Variants in FGF13 observed in about 807,000 individuals in gnomAD.
FGF13 encodes the protein fibroblast growth factor homologous factor 2.
A neutral mutation model predicts 19.5 loss-of-function variants in FGF13; 2 were observed. The ratio of observed to expected loss-of-function variants is 0.10; its 90% CI spans 0.04 to 0.32. The LOEUF (loss-of-function observed/expected upper bound fraction) is 0.32. FGF13 is among the 10% of genes least tolerant of loss of function. FGF13 has a pLI of 1.00. For missense variants in FGF13, 113 were observed against 192.7 expected, an observed-to-expected ratio of 0.59 and a Z score of 2.45; for synonymous variants, 72 against 76.9, an observed-to-expected ratio of 0.94 and a Z score of 0.33.
intron 3 of FGF13, among the ~76,000 whole-genome samples, chrX:138,800,851 T>G (rs766943761): frequency 8.9e-6 from 1 of 112,204 alleles, no homozygotes; most frequent in East Asian, 2.8e-4. Context: ...AACTCTGATA[T>G]CCTTTCTTCC....
chrX:139,019,071 T>C (rs778431379), intron 1 of FGF13, among the ~76,000 whole-genome samples: 4 of 111,508 alleles, frequency 3.6e-5, no homozygotes, highest in South Asian at 3.7e-4. Flanking sequence ...AATGAAGTCA[T>C]AGAATGTTGT....
chrX:138,763,863 G>C (rs1028652811), intron 3 of FGF13, among the ~76,000 whole-genome samples: 6 of 111,227 alleles, frequency 5.4e-5, no homozygotes, highest in African/African-American at 2.0e-4. Flanking sequence ...ACAGAGCCAG[G>C]GAAATGGCTG....
chrX:138,852,457 G>A (rs1347575237), intron 3 of FGF13, among the ~76,000 whole-genome samples: 1 of 111,896 alleles, frequency 8.9e-6, no homozygotes, highest in African/African-American at 3.3e-5. Flanking sequence ...AGTTGGGAAA[G>A]GATTCCCTAC....
At position 139,063,942 on chromosome X, in the gene FGF13, T is replaced by TA. The variant is rs760605802; in HGVS notation, c.-113+139473dup. ...ATCAGTTTATACGAGTACAGTATGT[T>TA]AAAATTCCCCAGTATGACTGTGTAC... is the stretch of plus-strand genomic sequence containing the variant. On this transcript the variant is annotated intron_variant, in intron 1 of 2. Coordinates refer to the FGF13 transcript ENST00000421460. Among the ~76,000 whole-genome samples, 523 of 111,611 alleles carry TA rather than the reference T, an allele frequency of 4.7e-3. 2 individuals carry two copies. Among genetic ancestry groups the TA allele is most frequent in the African/African-American group, 0.016 (496 of 30,718 alleles).
intron 1 of FGF13, among the ~76,000 whole-genome samples, chrX:138,888,292 A>G (rs2091460749): frequency 8.9e-6 from 1 of 111,979 alleles, no homozygotes; most frequent in Non-Finnish European, 1.9e-5. Flanking sequence ...ATATTCTCAG[A>G]TACTGAAATT....
chrX:138,872,751 G>C (rs1396078523), intron 1 of FGF13, among the ~76,000 whole-genome samples: 1 of 112,081 alleles, frequency 8.9e-6, no homozygotes, highest in East Asian at 2.8e-4. Flanking sequence ...AGACTGACTG[G>C]TGAGGTTTCA....
chrX:138,746,641 C>T (rs2090359025), intron 3 of FGF13, among the ~76,000 whole-genome samples: 1 of 111,990 alleles, frequency 8.9e-6, no homozygotes, highest in African/African-American at 3.2e-5. Flanking sequence ...AGACTGGAGT[C>T]CTGTGCTCTT....
At chrX:138,994,938 C>A (rs1474271842) in intron 1 of FGF13, among the ~76,000 whole-genome samples, 2 of 107,111 alleles carry the variant, frequency 1.9e-5, no homozygotes, top group African/African-American at 6.9e-5. Context: ...GGCTCCACTG[C>A]TTGTCCCACC....
At chrX:138,949,127 A>C in intron 1 of FGF13, among the ~76,000 whole-genome samples, 1 of 112,062 alleles carries the variant, frequency 8.9e-6, no homozygotes, top group Middle Eastern at 4.6e-3. Flanking sequence ...AAGAGAAATT[A>C]CATCTAGTTG....
At chrX:138,879,610 C>G (rs1363754885) in intron 1 of FGF13, among the ~76,000 whole-genome samples, 1 of 111,415 alleles carries the variant, frequency 9.0e-6, no homozygotes, top group Non-Finnish European at 1.9e-5. Flanking sequence ...CTGCACCCAT[C>G]AACCCGTCAT....
At chrX:139,116,132 C>A (rs1026870875) in intron 1 of FGF13, among the ~76,000 whole-genome samples, 1 of 112,197 alleles carries the variant, frequency 8.9e-6, no homozygotes, top group Non-Finnish European at 1.9e-5. Context: ...TCAAGCATGT[C>A]ATACAAAACC....
chrX:139,021,918 G>A (rs939492496), intron 1 of FGF13, among the ~76,000 whole-genome samples: 3 of 111,868 alleles, frequency 2.7e-5, no homozygotes, highest in African/African-American at 9.7e-5. Context: ...CTTCACATTC[G>A]ATCGGACTAG....
At chrX:138,917,976 C>G (rs1261316538) in intron 1 of FGF13, among the ~76,000 whole-genome samples, 1 of 111,271 alleles carries the variant, frequency 9.0e-6, no homozygotes, top group Non-Finnish European at 1.9e-5. Flanking sequence ...AAAGGAATGT[C>G]CATTATTACT....
intron 3 of FGF13, among the ~76,000 whole-genome samples, chrX:138,665,231 G>C (rs1331332047): frequency 1.8e-5 from 2 of 111,327 alleles, no homozygotes; most frequent in Non-Finnish European, 3.8e-5. Flanking sequence ...GAACCTGTGA[G>C]GCCTTAGAAT....
At chrX:139,120,565 C>T (rs2083670174) in intron 1 of FGF13, among the ~76,000 whole-genome samples, 1 of 112,122 alleles carries the variant, frequency 8.9e-6, no homozygotes, top group Admixed American at 9.4e-5. Context: ...ACTATGACCC[C>T]TAACCAGTGA....
intron 1 of FGF13, among the ~76,000 whole-genome samples, chrX:138,875,002 G>A (rs1347384661): frequency 9.0e-6 from 1 of 110,802 alleles, no homozygotes; most frequent in East Asian, 2.9e-4. Context: ...AGCACTTTGG[G>A]AGGCCGAGGC....
chrX:138,684,967 G>A (rs182496901), intron 3 of FGF13, among the ~76,000 whole-genome samples: 1,708 of 111,690 alleles, frequency 0.015, 24 homozygotes, highest in African/African-American at 0.052. Flanking sequence ...CAAACCAAAA[G>A]AAGATCCTAA....
intron 1 of FGF13, among the ~76,000 whole-genome samples, chrX:139,046,524 A>T (rs752933459): frequency 2.2e-4 from 24 of 111,444 alleles, no homozygotes; most frequent in African/African-American, 6.2e-4. Context: ...AGTGGCTCCT[A>T]TGGGCTCAAC....
chrX:138,912,933 C>T (rs765058540), intron 1 of FGF13, among the ~76,000 whole-genome samples: 65 of 111,132 alleles, frequency 5.8e-4, no homozygotes, highest in East Asian at 1.4e-3. Flanking sequence ...TCTATTTGCA[C>T]GCAGTGTTTG....
Sources: allele counts gnomAD v4.1 joint callset (sites outside exome capture counted in the v4.1 genomes callset), GRCh38; gene constraint gnomAD v4.1.1; transcripts MANE v1.5; gene names NCBI Gene and HGNC (gene_info 2026-07-23, HGNC 2026-07-21).